MALRD1: variants seen among roughly 807,000 people sequenced by gnomAD.
MALRD1 encodes MAM and LDL receptor class A domain containing 1.
MALRD1 carries 247 observed loss-of-function variants against 242.1 expected under a neutral mutation model. The observed-to-expected ratio is 1.02, with a 90% CI of 0.92 to 1.13. The LOEUF is 1.13. Among genes scored for constraint, MALRD1 ranks in the 50% most tolerant of loss-of-function variants. The pLI, the probability that MALRD1 is intolerant of heterozygous loss-of-function variation, is 0.00. For synonymous variants in MALRD1, 995 were observed against 866.6 expected, an observed-to-expected ratio of 1.15 and a Z score of -2.60; for missense variants, 2,989 against 2,533.1, an observed-to-expected ratio of 1.18 and a Z score of -3.86.
intron 38 of MALRD1, among the ~76,000 whole-genome samples, chr10:19,696,772 C>A (rs367933657): frequency 6.6e-6 from 1 of 151,746 alleles, no homozygotes; most frequent in South Asian, 2.1e-4. Flanking sequence ...AAAAATTAGC[C>A]TGGTGTGTTG....
At chr10:19,334,624 T>C (rs187888716) in intron 24 of MALRD1, among the ~76,000 whole-genome samples, 1 of 152,222 alleles carries the variant, frequency 6.6e-6, no homozygotes, top group African/African-American at 2.4e-5. Flanking sequence ...CTTGACTATA[T>C]ATTCCTTCAA....
intron 12 of MALRD1, among the ~76,000 whole-genome samples, chr10:19,165,267 T>TATATATATATA (rs1564435240): frequency 3.7e-5 from 2 of 53,758 alleles, no homozygotes; most frequent in East Asian, 6.1e-4. Flanking sequence ...ATATATATAT[T>TATATATATATA]TTGTTTTGTT....
intron 36 of MALRD1, among the ~76,000 whole-genome samples, chr10:19,661,781 T>C (rs1174964368): frequency 6.6e-6 from 1 of 152,044 alleles, no homozygotes; most frequent in East Asian, 1.9e-4. Context: ...ACTTAAAGTA[T>C]AATTTTAAAA....
At chr10:19,608,059 T>A (rs967964031) in intron 35 of MALRD1, among the ~76,000 whole-genome samples, 157 bp downstream of exon 35, 1 of 152,124 alleles carries the variant, frequency 6.6e-6, no homozygotes, top group Non-Finnish European at 1.5e-5. Flanking sequence ...TTGACATTAA[T>A]TGCCACATGT....
At chr10:19,640,350 A>C (rs1006652690) in intron 36 of MALRD1, among the ~76,000 whole-genome samples, 1 of 152,104 alleles carries the variant, frequency 6.6e-6, no homozygotes, top group African/African-American at 2.4e-5. Flanking sequence ...CGGCCTCCCA[A>C]AATGCTGTGA....
chr10:19,537,341 A>G (rs1420858299), intron 32 of MALRD1, among the ~76,000 whole-genome samples: 5 of 152,326 alleles, frequency 3.3e-5, no homozygotes, highest in African/African-American at 7.2e-5. Context: ...CTATTACCAA[A>G]TACCATTGAC....
intron 26 of MALRD1, among the ~76,000 whole-genome samples, chr10:19,376,470 A>G (rs1002518927): frequency 2.7e-5 from 4 of 147,412 alleles, no homozygotes; most frequent in Non-Finnish European, 3.0e-5. Flanking sequence ...GGGTAGATGT[A>G]TTTTGATACT....
intron 29 of MALRD1, among the ~76,000 whole-genome samples, chr10:19,483,610 A>G (rs1344974442): frequency 3.3e-5 from 5 of 152,174 alleles, no homozygotes; most frequent in Admixed American, 3.3e-4. Context: ...CACATCAGTC[A>G]GAATGGTTAC....
At chr10:19,714,542 G>T (rs915367289) in intron 38 of MALRD1, among the ~76,000 whole-genome samples, 1 of 152,078 alleles carries the variant, frequency 6.6e-6, no homozygotes, top group Non-Finnish European at 1.5e-5. Flanking sequence ...CAACATTTGG[G>T]CAAGAAAACA....
intron 31 of MALRD1, among the ~76,000 whole-genome samples, chr10:19,510,793 A>C (rs916268714): frequency 5.3e-5 from 8 of 152,200 alleles, no homozygotes; most frequent in Non-Finnish European, 8.8e-5. Flanking sequence ...GAGCCCTAAG[A>C]ATCATATGAA....
At chr10:19,734,035 T>A in intron 39 of MALRD1, 122 bp from the exon 40 acceptor site, 1 of 690,604 alleles carries the variant, frequency 1.4e-6, no homozygotes, top group Non-Finnish European at 2.4e-6. Flanking sequence ...GTCAGGGATG[T>A]TCTAGTTATT....
chr10:19,606,402 A>T (rs769682443), intron 34 of MALRD1, among the ~76,000 whole-genome samples: 4 of 152,118 alleles, frequency 2.6e-5, no homozygotes, highest in Admixed American at 6.6e-5. Flanking sequence ...TCAGAGGAAA[A>T]CAAAGCTGTT....
At chr10:19,526,342 T>A (rs2131332331) in intron 31 of MALRD1, among the ~76,000 whole-genome samples, 1 of 82,380 alleles carries the variant, frequency 1.2e-5, no homozygotes, top group African/African-American at 3.6e-5. Context: ...GCAACTTTCA[T>A]CTTTATGATT....
Position 19,348,450 on chromosome 10 carries a change from CA to C in MALRD1, c.4149+441del, listed in dbSNP as rs138513051. On this transcript the variant is annotated intron_variant, in intron 25 of 39. Coordinates refer to ENST00000454679, the MANE Select transcript of MALRD1 (RefSeq NM_001142308.3). ...TGAATATTAGAGATAGTTAGAGCCA[CA>C]AAAAAAAATTGTTGAGTAAGTCTTC... is the stretch of plus-strand genomic sequence containing the variant. Among the ~76,000 whole-genome samples, 155 of 150,112 alleles carry C rather than the reference CA, an allele frequency of 1.0e-3. 1 individual carries two copies. The highest frequency in any genetic ancestry group is 2.5e-3 in the African/African-American group (104 of 40,930).
At chr10:19,591,226 G>C (rs1837764634) in intron 33 of MALRD1, among the ~76,000 whole-genome samples, 2 of 152,154 alleles carry the variant, frequency 1.3e-5, no homozygotes, top group East Asian at 1.9e-4. Flanking sequence ...GTTTTTCAGA[G>C]TATTAAAAAG....
At chr10:19,196,781 A>G (rs559238294) in intron 14 of MALRD1, among the ~76,000 whole-genome samples, 19 of 152,132 alleles carry the variant, frequency 1.2e-4, no homozygotes, top group African/African-American at 4.3e-4. Flanking sequence ...CATAAATGGT[A>G]CCTCCATGGT....
chr10:19,100,680 A>G (rs1440601622), intron 4 of MALRD1, among the ~76,000 whole-genome samples: 1 of 152,180 alleles, frequency 6.6e-6, no homozygotes, highest in Non-Finnish European at 1.5e-5. Flanking sequence ...GACTTGTGTC[A>G]TCTGAGTGAA....
intron 11 of MALRD1, among the ~76,000 whole-genome samples, chr10:19,153,239 A>C (rs1025854040): frequency 6.6e-6 from 1 of 152,186 alleles, no homozygotes; most frequent in Admixed American, 6.5e-5. Flanking sequence ...CATTTTAATT[A>C]GAATATTTGT....
chr10:19,649,348 C>CCACCAATATA (rs1326356463), intron 36 of MALRD1, among the ~76,000 whole-genome samples: 1 of 152,116 alleles, frequency 6.6e-6, no homozygotes, highest in African/African-American at 2.4e-5. Flanking sequence ...ATTTATACTC[C>CCACCAATATA]CACCAATAGT....
Sources: allele counts gnomAD v4.1 joint callset (sites outside exome capture counted in the v4.1 genomes callset), GRCh38; gene constraint gnomAD v4.1.1; transcripts MANE v1.5; gene names NCBI Gene and HGNC (gene_info 2026-07-23, HGNC 2026-07-21).